DNAH14: variants seen among roughly 807,000 people sequenced by gnomAD.
DNAH14 encodes dynein axonemal heavy chain 14.
Under a neutral mutation model 520.9 loss-of-function variants are expected in DNAH14, and 478 were observed. That is an observed-to-expected ratio of 0.92 (90% CI 0.85 to 0.99). The LOEUF is 0.99. Among genes scored for constraint, DNAH14 ranks in the 50% least tolerant of loss-of-function variants. DNAH14 has a pLI of 0.00. For synonymous variants in DNAH14, 1,581 were observed against 1,757.2 expected (o/e 0.90, Z 2.51); for missense variants, 4,831 against 5,234.5 (o/e 0.92, Z 2.38).
rs2095155489 is a variant in DNAH14, at chr1:225,340,437, G to T, written c.10434-20G>T. On this transcript the variant is annotated intron_variant, in intron 68 of 85. Transcript: ENST00000682510. The stretch of plus-strand genomic sequence containing the variant: ...TCTTCTACATGTTCTTTGAATAACT[G>T]GTGCCTTTCTCATGTTCAGGTTATA... 2 of 1,510,092 alleles carry T rather than the reference G, an allele frequency of 1.3e-6. No homozygotes were observed. Among genetic ancestry groups the T allele is most frequent in the African/African-American group, 2.8e-5 (2 of 71,780 alleles). The allele number at this position is 1,510,092 out of a possible 1,614,324, so 93.5% of individuals were successfully genotyped here.
chr1:225,220,867 C>A (rs2149507855), intron 41 of DNAH14, among the ~76,000 whole-genome samples: 1 of 152,284 alleles, frequency 6.6e-6, no homozygotes, highest in African/African-American at 2.4e-5. Flanking sequence ...GCAAAAAGAG[C>A]AAAGCTGGAG....
At chr1:225,261,937 C>A (rs1228533679) in intron 46 of DNAH14, among the ~76,000 whole-genome samples, 2 of 151,872 alleles carry the variant, frequency 1.3e-5, no homozygotes, top group Non-Finnish European at 2.9e-5. Flanking sequence ...CTGAAAGTGC[C>A]CAATCTTGTC....
chr1:225,003,991 T>C (rs1048534462), intron 9 of DNAH14, among the ~76,000 whole-genome samples: 1 of 152,040 alleles, frequency 6.6e-6, no homozygotes, highest in Non-Finnish European at 1.5e-5. Context: ...CACCAAATGA[T>C]AGAGAACATT....
intron 51 of DNAH14, among the ~76,000 whole-genome samples, chr1:225,272,439 CAGTGCTGACTT>C (rs1407125955): frequency 6.6e-6 from 1 of 152,158 alleles, no homozygotes; most frequent in Admixed American, 6.6e-5. Context: ...ATTTTGCCAA[CAGTGCTGACTT>C]AGTTATCAGC....
rs540158769 is a variant in DNAH14 at position 225,273,728 on chromosome 1, C to T, written c.8010+603C>T. ...CTCAACAAGACTCCTCATCCTTCTC[C>T]GTCTCTTTGAACTTTAGTTTTCTTA... is the stretch of plus-strand genomic sequence containing the variant. On this transcript the variant is annotated intron_variant, in intron 52 of 85. Coordinates refer to ENST00000682510, the MANE Select transcript of DNAH14 (RefSeq NM_001367479.1). Among the ~76,000 whole-genome samples the T allele has an allele frequency of 6.6e-4, 101 of 152,220 alleles. 1 individual carries two copies. The highest frequency in any genetic ancestry group is 2.3e-3 in the African/African-American group (94 of 41,536).
intron 60 of DNAH14, among the ~76,000 whole-genome samples, chr1:225,313,683 T>A (rs962015582): frequency 1.3e-5 from 2 of 152,246 alleles, no homozygotes; most frequent in African/African-American, 4.8e-5. Context: ...TATTTCTGCC[T>A]TCATTTCATT....
At chr1:225,105,395 A>G (rs1558973332) in intron 23 of DNAH14, among the ~76,000 whole-genome samples, 2 of 152,156 alleles carry the variant, frequency 1.3e-5, no homozygotes, top group Non-Finnish European at 2.9e-5. Context: ...GTAGATGTCT[A>G]TTAGGTCCGC....
At chr1:225,139,407 C>T (rs973478267) in intron 27 of DNAH14, among the ~76,000 whole-genome samples, 1 of 152,166 alleles carries the variant, frequency 6.6e-6, no homozygotes, top group Non-Finnish European at 1.5e-5. Context: ...TGTTCTTTTG[C>T]CAAAGTTTTT....
At chr1:224,931,284 A>T (rs1314844844) in intron 1 of DNAH14, among the ~76,000 whole-genome samples, 1 of 152,232 alleles carries the variant, frequency 6.6e-6, no homozygotes, top group Non-Finnish European at 1.5e-5. Flanking sequence ...ATTACAAAAG[A>T]GTAAGAAATA....
At chr1:225,089,442 C>CAAAAAAAAAAAAAAAAA (rs1169182387) in intron 21 of DNAH14, among the ~76,000 whole-genome samples, 1 of 29,900 alleles carries the variant, frequency 3.3e-5, no homozygotes, top group Non-Finnish European at 6.4e-5. Context: ...AAAACTCCGT[C>CAAAAAAAAAAAAAAAAA]AAAAAAAAAA....
rs949550881 is a variant in DNAH14 at position 225,148,300 on chromosome 1, T to C, written c.4940+1051T>C. Among the ~76,000 whole-genome samples, 22 of 152,122 alleles carry C rather than the reference T, an allele frequency of 1.4e-4. 1 individual carries two copies. The highest frequency in any genetic ancestry group is 6.2e-4 in the South Asian group (3 of 4,828). On this transcript the variant is annotated intron_variant, in intron 31 of 85. Transcript: ENST00000682510. ...TCTACAACCTTGTGAGTACCTGTTATTTTTTGACTTTTTAGTGATAGCCAT... is the reference window on the plus strand; with the variant it reads ...TCTACAACCTTGTGAGTACCTGTTACTTTTTGACTTTTTAGTGATAGCCAT...
intron 21 of DNAH14, 149 bp downstream of exon 21, chr1:225,085,938 AC>A: frequency 1.2e-6 from 1 of 820,800 alleles, no homozygotes; most frequent in Non-Finnish European, 1.7e-6. Flanking sequence ...TAGTTTGAAT[AC>A]CAAAAATAAC....
At chr1:225,366,186 A>G (rs1229660344) in intron 76 of DNAH14, among the ~76,000 whole-genome samples, 1 of 152,244 alleles carries the variant, frequency 6.6e-6, no homozygotes, top group Non-Finnish European at 1.5e-5. Context: ...GCTATTAAGG[A>G]TATAATGAAA....
intron 57 of DNAH14, among the ~76,000 whole-genome samples, chr1:225,304,029 T>C (rs921572107): frequency 3.3e-5 from 5 of 152,028 alleles, no homozygotes; most frequent in African/African-American, 1.2e-4. Context: ...AAAATGCCGC[T>C]GAGTTAAAAG....
At chr1:225,295,383 A>T (rs966920724) in intron 55 of DNAH14, among the ~76,000 whole-genome samples, 4 of 151,908 alleles carry the variant, frequency 2.6e-5, no homozygotes, top group Non-Finnish European at 5.9e-5. Flanking sequence ...GTAGGCATTT[A>T]TTGTTATAAA....
chr1:225,308,045 A>G (rs2094285470), intron 59 of DNAH14, among the ~76,000 whole-genome samples: 1 of 152,238 alleles, frequency 6.6e-6, no homozygotes, highest in Non-Finnish European at 1.5e-5. Flanking sequence ...ACCATCAAGG[A>G]TAGTGGATGA....
At chr1:225,233,315 A>G (rs957787453) in intron 42 of DNAH14, among the ~76,000 whole-genome samples, 2 of 152,198 alleles carry the variant, frequency 1.3e-5, no homozygotes, top group Non-Finnish European at 2.9e-5. Flanking sequence ...TCTTCTGGGT[A>G]TATACCCAGT....
At chr1:225,257,361 C>A (rs996538753) in intron 44 of DNAH14, among the ~76,000 whole-genome samples, 1 of 152,136 alleles carries the variant, frequency 6.6e-6, no homozygotes, top group Non-Finnish European at 1.5e-5. Flanking sequence ...CCAATACATG[C>A]GACATTTAGG....
At chr1:225,374,570 A>G in intron 77 of DNAH14, 118 bp from the exon 78 acceptor site, 1 of 986,036 alleles carries the variant, frequency 1.0e-6, no homozygotes, top group Non-Finnish European at 1.4e-6. Flanking sequence ...CTATTTCTAT[A>G]TATTTTTTAA....
Sources: gnomAD v4.1 joint callset for allele counts (sites outside exome capture counted in the v4.1 genomes callset) on GRCh38, gnomAD v4.1.1 for gene constraint, MANE v1.5 for transcripts, NCBI Gene and HGNC (gene_info 2026-07-23, HGNC 2026-07-21) for gene names.